The following MAP4 variants were observed in gnomAD, a reference collection of about 807,000 sequenced individuals.
The protein encoded by MAP4 is microtubule-associated protein 4.
MAP4 carries 76 observed loss-of-function variants against 170.2 expected under a neutral mutation model. The observed-to-expected ratio is 0.45, with a 90% CI of 0.37 to 0.54. The LOEUF (loss-of-function observed/expected upper bound fraction) is 0.54. MAP4 is among the 20% of genes least tolerant of loss of function. The pLI is 0.00. For synonymous variants in MAP4, 909 were observed against 994.5 expected (o/e 0.91, Z 1.62); for missense variants, 2,506 against 2,748.0 (o/e 0.91, Z 1.97).
chr3:48,051,819 TA>T (rs1442132122), intron 1 of MAP4, among the ~76,000 whole-genome samples: 1 of 152,204 alleles, frequency 6.6e-6, no homozygotes, highest in Non-Finnish European at 1.5e-5. Flanking sequence ...CTATCATCTG[TA>T]TAACCCCAAT....
chr3:47,944,019 C>T (rs1559544771), intron 3 of MAP4, among the ~76,000 whole-genome samples: 1 of 152,014 alleles, frequency 6.6e-6, no homozygotes, highest in Non-Finnish European at 1.5e-5. Context: ...CCTATAAAAA[C>T]ATGTGTCCCT....
At chr3:48,056,954 C>G (rs2100132324) in intron 1 of MAP4, among the ~76,000 whole-genome samples, 1 of 132,644 alleles carries the variant, frequency 7.5e-6, no homozygotes. Flanking sequence ...AGCCCCCCGC[C>G]CGGCCAGCCG....
chr3:48,032,076 G>T (rs750612867), intron 1 of MAP4, among the ~76,000 whole-genome samples: 22 of 152,052 alleles, frequency 1.4e-4, no homozygotes, highest in Non-Finnish European at 2.6e-4. Context: ...CAAAATATCA[G>T]ACCAGTACTC....
chr3:47,882,836 T>TCA (rs1287038018), intron 10 of MAP4, among the ~76,000 whole-genome samples: 1 of 152,122 alleles, frequency 6.6e-6, no homozygotes, highest in Non-Finnish European at 1.5e-5. Flanking sequence ...AGACAGAGTC[T>TCA]CACTCTGTCG....
At chr3:48,027,914 T>C (rs1447998234) in intron 1 of MAP4, among the ~76,000 whole-genome samples, 3 of 152,212 alleles carry the variant, frequency 2.0e-5, no homozygotes, top group Non-Finnish European at 4.4e-5. Context: ...AGCTGAGAAA[T>C]AACTGCCTCT....
chr3:47,871,310 A>G (rs766747922), intron 13 of MAP4, 24 bp from the exon 14 acceptor site: 1 of 1,582,862 alleles, frequency 6.3e-7, no homozygotes, highest in Non-Finnish European at 8.7e-7. Context: ...ACTTATTAAT[A>G]TAACATTTAA....
At chr3:47,877,183 G>C (rs2095616071) in intron 11 of MAP4, 3 of 409,450 alleles carry the variant, frequency 7.3e-6, no homozygotes. Context: ...GGCCTCTACA[G>C]AACATTTTTT....
chr3:47,927,209 C>A (rs898869262), intron 4 of MAP4, among the ~76,000 whole-genome samples: 4 of 151,786 alleles, frequency 2.6e-5, no homozygotes, highest in Admixed American at 6.6e-5. Context: ...TCTTCACCCT[C>A]CCCCCATAAT....
At chr3:47,864,981 G>A (rs2076903785) in intron 17 of MAP4, among the ~76,000 whole-genome samples, 1 of 152,148 alleles carries the variant, frequency 6.6e-6, no homozygotes, top group Admixed American at 6.5e-5. Context: ...AGGAAACAAA[G>A]CACCTGGGTC....
chr3:48,084,701 G>C (rs1295514774), intron 1 of MAP4, among the ~76,000 whole-genome samples: 1 of 151,828 alleles, frequency 6.6e-6, no homozygotes, highest in Non-Finnish European at 1.5e-5. Context: ...CCAGCCTCCA[G>C]AGTAGCTGGG....
At chr3:48,022,190 G>T (rs1344506288) in intron 1 of MAP4, among the ~76,000 whole-genome samples, 1 of 152,166 alleles carries the variant, frequency 6.6e-6, no homozygotes, top group African/African-American at 2.4e-5. Context: ...CAGGTGGATG[G>T]CAGCCCTAAA....
At chr3:47,957,588 C>A (rs1282253410) in intron 3 of MAP4, among the ~76,000 whole-genome samples, 1 of 152,208 alleles carries the variant, frequency 6.6e-6, no homozygotes, top group Non-Finnish European at 1.5e-5. Flanking sequence ...GCTGGGGTTA[C>A]AGGCATATGC....
At chr3:48,000,702 T>C (rs17079906) in intron 1 of MAP4, among the ~76,000 whole-genome samples, 5,819 of 152,284 alleles carry the variant, frequency 0.038, 380 homozygotes, top group African/African-American at 0.13. Flanking sequence ...AGCCAATCTA[T>C]TTCTGTTGTT....
At chr3:47,893,538 C>A (rs942486734) in intron 10 of MAP4, among the ~76,000 whole-genome samples, 7 of 152,124 alleles carry the variant, frequency 4.6e-5, no homozygotes, top group Non-Finnish European at 4.4e-5. Flanking sequence ...CTGCCCTGGG[C>A]TTTGAGCTCA....
In MAP4 at chr3:48,053,926, G is replaced by GTTAT. The variant is rs201161141; in HGVS notation, c.-20+34843_-20+34846dup. On this transcript the variant is annotated intron_variant, in intron 1 of 18. Transcript: ENST00000360240. ...TGTCTAGAAGAATATATATGAAAAT[G>GTTAT]TTATTCTCTTTTATAATTTTTGTGT... is the stretch of plus-strand genomic sequence containing the variant. Among the ~76,000 whole-genome samples, 1,423 of 152,174 alleles carry GTTAT rather than the reference G, an allele frequency of 9.4e-3. 10 individuals are homozygous for GTTAT. The highest frequency in any genetic ancestry group is 0.021 in the East Asian group (107 of 5,180).
chr3:47,921,073 A>T (rs1383957387), intron 5 of MAP4, among the ~76,000 whole-genome samples: 1 of 152,138 alleles, frequency 6.6e-6, no homozygotes, highest in African/African-American at 2.4e-5. Context: ...TCACCTGACC[A>T]GGAGGCCAAG....
intron 1 of MAP4, among the ~76,000 whole-genome samples, chr3:48,056,399 G>GC (rs2100131603): frequency 2.3e-5 from 2 of 86,708 alleles, no homozygotes; most frequent in African/African-American, 9.2e-5. Context: ...GGGGGGGTCA[G>GC]CCCCCCCACC....
At chr3:47,877,595 T>A in intron 10 of MAP4, 72 bp from the exon 11 acceptor site, 1 of 1,031,634 alleles carries the variant, frequency 9.7e-7, no homozygotes, top group Non-Finnish European at 1.5e-6. Flanking sequence ...ATACAAGGTT[T>A]AGCAAAGACA....
chr3:47,883,747 C>A (rs2097156312), intron 10 of MAP4, among the ~76,000 whole-genome samples: 1 of 152,000 alleles, frequency 6.6e-6, no homozygotes, highest in South Asian at 2.1e-4. Flanking sequence ...TTGCAGTTGA[C>A]AGTTCTTTTC....
Sources: gnomAD v4.1 joint callset for allele counts (sites outside exome capture counted in the v4.1 genomes callset) on GRCh38, gnomAD v4.1.1 for gene constraint, MANE v1.5 for transcripts, NCBI Gene and HGNC (gene_info 2026-07-23, HGNC 2026-07-21) for gene names.